Variants in ANK3 observed in about 807,000 individuals in gnomAD.
The protein encoded by ANK3 is ankyrin-3.
A neutral mutation model predicts 370.9 loss-of-function variants in ANK3; 57 were observed. That is an observed-to-expected ratio of 0.15 (90% confidence interval 0.12 to 0.19). The LOEUF (loss-of-function observed/expected upper bound fraction) is 0.19. Ranked by LOEUF, ANK3 falls within the 10% of genes least tolerant of loss-of-function variation. ANK3 has a pLI of 1.00. For synonymous variants in ANK3, 1,929 were observed against 1,946.3 expected (o/e 0.99, Z 0.23); for missense variants, 4,439 against 5,302.1 (o/e 0.84, Z 5.06).
At chr10:60,229,614 G>A (rs766292974) in intron 8 of ANK3, among the ~76,000 whole-genome samples, 7 of 152,140 alleles carry the variant, frequency 4.6e-5, no homozygotes, top group Non-Finnish European at 8.8e-5. Flanking sequence ...TGACAGATTG[G>A]AAGTGCCTTG....
chr10:60,051,636 A>G (rs2078022415), intron 42 of ANK3: 1 of 618,010 alleles, frequency 1.6e-6, no homozygotes, highest in South Asian at 7.2e-5. Context: ...GAAATCAAGA[A>G]AGAATTACAC....
chr10:60,502,329 C>A (rs2075821779), intron 2 of ANK3, among the ~76,000 whole-genome samples: 1 of 152,144 alleles, frequency 6.6e-6, no homozygotes, highest in Non-Finnish European at 1.5e-5. Flanking sequence ...TGATTGAAAA[C>A]ACATTAGAAA....
At chr10:60,478,042 A>G (rs966308565) in intron 2 of ANK3, among the ~76,000 whole-genome samples, 1 of 152,084 alleles carries the variant, frequency 6.6e-6, no homozygotes, top group Non-Finnish European at 1.5e-5. Flanking sequence ...TTTAATGAGA[A>G]ATTAAATGCC....
chr10:60,127,341 G>A (rs926691373), intron 25 of ANK3, among the ~76,000 whole-genome samples: 1 of 152,180 alleles, frequency 6.6e-6, no homozygotes, highest in African/African-American at 2.4e-5. Context: ...AGAAATGGGT[G>A]GGGTTAGGGA....
In ANK3 at chr10:60,076,395, G is replaced by T. The variant is rs200674971; in HGVS notation, c.4486C>A (p.Pro1496Thr). ...TGGTATGGTCTTGTAGAAAAGAATGGCTTGTATGAGTAAGTGGTGGGGAGG... is the reference window on the plus strand; with the variant it reads ...TGGTATGGTCTTGTAGAAAAGAATGTCTTGTATGAGTAAGTGGTGGGGAGG... Reference protein sequence around the residue: ...RSLPTTYSYKPFFSTRPYQSW... With the variant: ...RSLPTTYSYKTFFSTRPYQSW... Residue 1496 changes from proline to threonine, a missense_variant, in exon 37 of 44, where the codon CCA (proline) becomes ACA (threonine). Physicochemically the swap from Pro to Thr is conservative, Grantham distance 38. Transcript: ENST00000280772. The T allele has an allele frequency of 6.2e-7, 1 of 1,613,800 alleles. No individual in the cohort carries two copies. The highest frequency in any genetic ancestry group is 8.5e-7 in the Non-Finnish European group (1 of 1,179,882).
intron 1 of ANK3, among the ~76,000 whole-genome samples, chr10:60,350,855 T>C (rs2056707816): frequency 6.6e-6 from 1 of 152,110 alleles, no homozygotes; most frequent in Non-Finnish European, 1.5e-5. Context: ...CTGCCCACCA[T>C]AGAGTTCCCT....
intron 8 of ANK3, among the ~76,000 whole-genome samples, chr10:60,221,386 T>G (rs901657540): frequency 2.6e-5 from 4 of 152,152 alleles, no homozygotes; most frequent in African/African-American, 7.2e-5. Context: ...GGCCTGATTT[T>G]TGTCTTTTCA....
chr10:60,243,501 C>T (rs1370582953), intron 7 of ANK3, among the ~76,000 whole-genome samples: 1 of 152,176 alleles, frequency 6.6e-6, no homozygotes, highest in African/African-American at 2.4e-5. Context: ...TGCAGCCCCT[C>T]AACCTTGGAC....
In ANK3 at chr10:60,069,747, A is replaced by G. The variant is rs2082347658; in HGVS notation, c.11134T>C (p.Ser3712Pro). ...LEKSAAATNT[S>P]KVDPKLRTPI... Reference sequence around the variant, plus strand: ...GTGCGCAACTTGGGGTCAACTTTAGAGGTGTTAGTGGCTGCTGCTGATTTC... The same window carrying G: ...GTGCGCAACTTGGGGTCAACTTTAGGGGTGTTAGTGGCTGCTGCTGATTTC... Residue 3712 changes from serine to proline, a missense_variant, in exon 37 of 44, where the codon TCT becomes CCT. Transcript: ENST00000280772. 6.2e-7 allele frequency: 1 copy of G among 1,613,842 alleles called. No individual in the cohort carries two copies. The highest frequency in any genetic ancestry group is 1.7e-4 in the Middle Eastern group (1 of 6,060).
At chr10:60,432,332 G>A (rs927933403) in intron 2 of ANK3, among the ~76,000 whole-genome samples, 4 of 152,138 alleles carry the variant, frequency 2.6e-5, no homozygotes, top group Admixed American at 1.3e-4. Context: ...TAGAGGGCTC[G>A]TCTCTAAGGT....
rs1327920452 is a variant in ANK3 at position 60,236,334 on chromosome 10, C to T, written c.799-1548G>A. The stretch of plus-strand genomic sequence containing the variant: ...TCCTTTATAGCACCCAAGACCCCCT[C>T]CATGTTCAAATTCTCCCATTATCTC... On this transcript the variant is annotated intron_variant, in intron 7 of 43. Coordinates refer to ENST00000280772, the MANE Select transcript of ANK3 (RefSeq NM_020987.5). Among the ~76,000 whole-genome samples, 5 of 150,304 alleles carry T rather than the reference C, an allele frequency of 3.3e-5. No individual in the cohort carries two copies. The East Asian group carries it at 9.6e-4, about 29-fold the overall frequency.
intron 2 of ANK3, among the ~76,000 whole-genome samples, chr10:60,440,380 G>A (rs1326102211): frequency 1.3e-5 from 2 of 152,104 alleles, no homozygotes; most frequent in Non-Finnish European, 2.9e-5. Context: ...TTACAATCAT[G>A]GTGGAAGGGG....
intron 43 of ANK3, among the ~76,000 whole-genome samples, chr10:60,037,199 CTTCA>C (rs1435506761): frequency 6.6e-6 from 1 of 152,104 alleles, no homozygotes; most frequent in Non-Finnish European, 1.5e-5. Flanking sequence ...AACTGGTTAC[CTTCA>C]TTTTATTCTT....
chr10:60,292,970 A>C (rs2041768993), intron 1 of ANK3, among the ~76,000 whole-genome samples: 1 of 152,144 alleles, frequency 6.6e-6, no homozygotes, highest in Admixed American at 6.5e-5. Flanking sequence ...TGGCCTCCCA[A>C]AGTGCTGGGA....
chr10:60,386,085 C>A (rs1188825385), intron 1 of ANK3, among the ~76,000 whole-genome samples: 1 of 152,142 alleles, frequency 6.6e-6, no homozygotes, highest in Admixed American at 6.5e-5. Context: ...CTACCAACCA[C>A]TGCTCATGGA....
chr10:60,374,083 A>G (rs1233631683), intron 1 of ANK3, among the ~76,000 whole-genome samples: 1 of 151,958 alleles, frequency 6.6e-6, no homozygotes, highest in Admixed American at 6.6e-5. Context: ...TGCTCCTTGT[A>G]TGCCTTGTGC....
At chr10:60,581,301 T>C (rs1447212032) in intron 2 of ANK3, among the ~76,000 whole-genome samples, 2 of 152,094 alleles carry the variant, frequency 1.3e-5, no homozygotes, top group South Asian at 2.1e-4. Context: ...CACCAAAATA[T>C]AAAGGTCGTT....
At chr10:60,084,564 T>G (rs2086200867) in intron 32 of ANK3, 38 bp downstream of exon 32, 1 of 1,511,162 alleles carries the variant, frequency 6.6e-7, no homozygotes, top group Non-Finnish European at 9.2e-7. Context: ...ATATCTGGAG[T>G]ACGTAATGAA....
intron 18 of ANK3, among the ~76,000 whole-genome samples, chr10:60,174,289 C>G (rs1329167260): frequency 6.6e-6 from 1 of 152,186 alleles, no homozygotes; most frequent in African/African-American, 2.4e-5. Flanking sequence ...TGTCAGTGCA[C>G]CCACACTGAC....
Sources: gnomAD v4.1 joint callset for allele counts (sites outside exome capture counted in the v4.1 genomes callset) on GRCh38, gnomAD v4.1.1 for gene constraint, MANE v1.5 for transcripts, NCBI Gene and HGNC (gene_info 2026-07-23, HGNC 2026-07-21) for gene names.